The following CCDC148 variants were observed in gnomAD, a reference collection of about 807,000 sequenced individuals.
CCDC148 encodes coiled-coil domain-containing protein 148.
CCDC148 carries 89 observed loss-of-function variants against 85.7 expected under a neutral mutation model. The observed-to-expected ratio is 1.04, with a 90% CI of 0.87 to 1.24. CCDC148 has a LOEUF of 1.24. Ranked by LOEUF, CCDC148 falls within the 50% of genes most tolerant of loss-of-function variation. The pLI is 0.00. For missense variants in CCDC148, 692 were observed against 671.7 expected (o/e 1.03, Z -0.33); for synonymous variants, 230 against 213.9 (o/e 1.08, Z -0.66).
At chr2:158,316,953 C>G (rs1000932295) in intron 7 of CCDC148, among the ~76,000 whole-genome samples, 1 of 152,156 alleles carries the variant, frequency 6.6e-6, no homozygotes, top group Non-Finnish European at 1.5e-5. Context: ...CTTTTTAAAT[C>G]AAACCTTCAT....
At chr2:158,365,539 A>T (rs1238986672) in intron 1 of CCDC148, among the ~76,000 whole-genome samples, 1 of 152,230 alleles carries the variant, frequency 6.6e-6, no homozygotes, top group African/African-American at 2.4e-5. Context: ...CATCACTCTC[A>T]GCAAACTAAC....
At chr2:158,305,746 CCT>C (rs1691652933) in intron 9 of CCDC148, among the ~76,000 whole-genome samples, 1 of 122,168 alleles carries the variant, frequency 8.2e-6, no homozygotes, top group African/African-American at 3.1e-5. Flanking sequence ...AGAATGAAAC[CCT>C]GTCTCTTAAA....
chr2:158,183,877 T>C (rs1234897255), intron 11 of CCDC148, among the ~76,000 whole-genome samples: 2 of 152,136 alleles, frequency 1.3e-5, no homozygotes, highest in East Asian at 3.9e-4. Context: ...CAGATTTTAC[T>C]CAGGAGGTTG....
intron 1 of CCDC148, among the ~76,000 whole-genome samples, chr2:158,388,928 G>T (rs1685195064): frequency 6.6e-6 from 1 of 152,160 alleles, no homozygotes; most frequent in African/African-American, 2.4e-5. Context: ...TATTAATGTT[G>T]TTACAAAGGT....
chr2:158,342,026 CTTTTTT>C (rs1159799812), intron 3 of CCDC148, among the ~76,000 whole-genome samples: 4 of 62,660 alleles, frequency 6.4e-5, no homozygotes, highest in Admixed American at 2.8e-4. Flanking sequence ...ATTTTCTTTT[CTTTTTT>C]TTTTTTTTTT....
At chr2:158,364,850 G>GAAACT (rs1399946858) in intron 1 of CCDC148, among the ~76,000 whole-genome samples, 1 of 152,056 alleles carries the variant, frequency 6.6e-6, no homozygotes, top group Admixed American at 6.5e-5. Flanking sequence ...CACAGCAAAA[G>GAAACT]AAACTATCAT....
At chr2:158,273,937 G>A (rs889062678) in intron 9 of CCDC148, among the ~76,000 whole-genome samples, 1 of 152,182 alleles carries the variant, frequency 6.6e-6, no homozygotes, top group African/African-American at 2.4e-5. Context: ...CCAGAAAAGA[G>A]GATAGTGTTT....
At chr2:158,341,781 C>T (rs1026729144) in intron 3 of CCDC148, among the ~76,000 whole-genome samples, 1 of 151,640 alleles carries the variant, frequency 6.6e-6, no homozygotes, top group Non-Finnish European at 1.5e-5. Context: ...TATAAAAAAG[C>T]AGCAATTATA....
chr2:158,382,553 C>G (rs1684917623), intron 1 of CCDC148, among the ~76,000 whole-genome samples: 1 of 152,102 alleles, frequency 6.6e-6, no homozygotes. Context: ...ACTGCTAAGG[C>G]TAGTTTGACA....
chr2:158,291,158 G>T (rs777065448), intron 9 of CCDC148, among the ~76,000 whole-genome samples: 1 of 152,018 alleles, frequency 6.6e-6, no homozygotes, highest in Non-Finnish European at 1.5e-5. Context: ...TCGCTATATT[G>T]CCCAGGCTTG....
intron 9 of CCDC148, among the ~76,000 whole-genome samples, chr2:158,278,783 C>T (rs1690098998): frequency 6.6e-6 from 1 of 152,342 alleles, no homozygotes; most frequent in Middle Eastern, 3.4e-3. Flanking sequence ...AGTGGTTCTC[C>T]CAGCACGCGG....
intron 11 of CCDC148, among the ~76,000 whole-genome samples, chr2:158,198,436 T>A (rs1414117405): frequency 6.6e-6 from 1 of 152,186 alleles, no homozygotes; most frequent in Non-Finnish European, 1.5e-5. Context: ...GAGGCCAGTG[T>A]ATCAACTCTG....
intron 7 of CCDC148, among the ~76,000 whole-genome samples, chr2:158,325,324 T>C (rs757344681): frequency 2.6e-5 from 4 of 152,184 alleles, no homozygotes; most frequent in Non-Finnish European, 5.9e-5. Flanking sequence ...TGTATTTTAC[T>C]TACCAGCAGC....
At chr2:158,177,944 G>C (rs1684678205) in intron 12 of CCDC148, 1 of 152,092 alleles carries the variant, frequency 6.6e-6, no homozygotes. Context: ...AGTTGTTGTA[G>C]AAATTGAAGT....
chr2:158,366,365 GT>G (rs1052920685), intron 1 of CCDC148, among the ~76,000 whole-genome samples: 3 of 152,070 alleles, frequency 2.0e-5, no homozygotes, highest in African/African-American at 7.2e-5. Context: ...GTTGTTATGT[GT>G]TTTATTTTGT....
At chr2:158,279,701 T>C (rs1690167288) in intron 9 of CCDC148, among the ~76,000 whole-genome samples, 1 of 152,202 alleles carries the variant, frequency 6.6e-6, no homozygotes, top group Non-Finnish European at 1.5e-5. Flanking sequence ...AAAAACACTC[T>C]GCAGGATATT....
intron 10 of CCDC148, among the ~76,000 whole-genome samples, chr2:158,237,018 C>G (rs1688138291): frequency 1.3e-5 from 2 of 152,104 alleles, no homozygotes; most frequent in African/African-American, 4.8e-5. Context: ...CAAGGACTTT[C>G]TTTCTAAGAT....
At chr2:158,262,920 A>G (rs538045602) in intron 9 of CCDC148, among the ~76,000 whole-genome samples, 2 of 152,244 alleles carry the variant, frequency 1.3e-5, no homozygotes, top group African/African-American at 4.8e-5. Flanking sequence ...TGGCAATCAT[A>G]TACTTGTCTA....
At chr2:158,306,369 T>A (rs905852354) in intron 9 of CCDC148, among the ~76,000 whole-genome samples, 1 of 151,348 alleles carries the variant, frequency 6.6e-6, no homozygotes, top group Non-Finnish European at 1.5e-5. Flanking sequence ...AAAAAAAAAA[T>A]ACAAAAAACG....
Sources: gnomAD v4.1 joint callset for allele counts (sites outside exome capture counted in the v4.1 genomes callset) on GRCh38, gnomAD v4.1.1 for gene constraint, MANE v1.5 for transcripts, NCBI Gene and HGNC (gene_info 2026-07-23, HGNC 2026-07-21) for gene names.